ZNF704: variants seen among roughly 807,000 people sequenced by gnomAD.
ZNF704 encodes the protein zinc finger protein 704, also known as glucocorticoid induced gene 1.
ZNF704 carries 10 observed loss-of-function variants against 44.7 expected under a neutral mutation model. That is an observed-to-expected ratio of 0.22 (90% CI 0.14 to 0.38). The LOEUF is 0.38. Ranked by LOEUF, ZNF704 falls within the 10% of genes least tolerant of loss-of-function variation. The pLI, the probability that ZNF704 is intolerant of heterozygous loss-of-function variation, is 1.00. For synonymous variants in ZNF704, 211 were observed against 207.6 expected, an observed-to-expected ratio of 1.02 and a Z score of -0.14; for missense variants, 390 against 545.5, an observed-to-expected ratio of 0.71 and a Z score of 2.84.
intron 2 of ZNF704, among the ~76,000 whole-genome samples, chr8:80,732,454 T>A (rs1217088345): frequency 6.6e-6 from 1 of 152,202 alleles, no homozygotes; most frequent in East Asian, 1.9e-4. Context: ...TAACTTCTGT[T>A]TTGCTTGCTT....
intron 2 of ZNF704, among the ~76,000 whole-genome samples, chr8:80,709,183 G>A (rs1289919432): frequency 3.3e-5 from 5 of 151,968 alleles, no homozygotes; most frequent in Admixed American, 2.0e-4. Flanking sequence ...GGAGGCTCAC[G>A]CCTGTAATCC....
intron 8 of ZNF704, 67 bp from the exon 9 acceptor site, chr8:80,641,544 A>C: frequency 9.7e-7 from 1 of 1,025,932 alleles, no homozygotes; most frequent in Non-Finnish European, 1.4e-6. Flanking sequence ...GGAGAGCTCA[A>C]AAATCCCTTG....
intron 4 of ZNF704, among the ~76,000 whole-genome samples, chr8:80,682,495 T>A (rs762598044): frequency 6.6e-6 from 1 of 152,236 alleles, no homozygotes; most frequent in Non-Finnish European, 1.5e-5. Context: ...TCAGATTTCC[T>A]TTTATGCCCC....
chr8:80,830,479 GAACT>G (rs1215043296), intron 1 of ZNF704, among the ~76,000 whole-genome samples: 2 of 152,200 alleles, frequency 1.3e-5, no homozygotes, highest in Non-Finnish European at 2.9e-5. Context: ...GTGGGAGCAG[GAACT>G]AACTGCAAAT....
At chr8:80,685,947 A>G (rs1286803235) in intron 4 of ZNF704, among the ~76,000 whole-genome samples, 2 of 152,266 alleles carry the variant, frequency 1.3e-5, no homozygotes, top group African/African-American at 4.8e-5. Context: ...ACAGCCATTC[A>G]TAATGAAGCT....
At chr8:80,873,388 C>A (rs1022605531) in intron 1 of ZNF704, among the ~76,000 whole-genome samples, 1 of 151,050 alleles carries the variant, frequency 6.6e-6, no homozygotes, top group South Asian at 2.1e-4. Flanking sequence ...CGCGCTGCCC[C>A]GCGCGGCCGC....
intron 1 of ZNF704, among the ~76,000 whole-genome samples, chr8:80,838,254 G>A (rs1180653990): frequency 6.6e-6 from 1 of 152,168 alleles, no homozygotes; most frequent in Non-Finnish European, 1.5e-5. Context: ...TAGTTTCTCT[G>A]ACTAAACCAC....
At chr8:80,645,028 G>A (rs1039174561) in intron 7 of ZNF704, 1 of 1,289,372 alleles carries the variant, frequency 7.8e-7, no homozygotes, top group Non-Finnish European at 1.1e-6. Flanking sequence ...TGACTCTGCT[G>A]AATGCCAAGA....
intron 2 of ZNF704, among the ~76,000 whole-genome samples, chr8:80,795,329 A>T (rs1217703976): frequency 6.6e-6 from 1 of 152,242 alleles, no homozygotes; most frequent in African/African-American, 2.4e-5. Flanking sequence ...ATTAAATGTG[A>T]AACATAAAAC....
chr8:80,782,557 T>C (rs1807545983), intron 2 of ZNF704, among the ~76,000 whole-genome samples: 1 of 152,172 alleles, frequency 6.6e-6, no homozygotes, highest in African/African-American at 2.4e-5. Context: ...TCACATGATA[T>C]GTAGAGTCCT....
At chr8:80,649,745 T>C (rs561724943) in intron 7 of ZNF704, among the ~76,000 whole-genome samples, 3 of 152,304 alleles carry the variant, frequency 2.0e-5, no homozygotes, top group African/African-American at 7.2e-5. Flanking sequence ...GGGCAGGGCA[T>C]AGCCAAACAA....
At chr8:80,769,611 G>A (rs763707579) in intron 2 of ZNF704, among the ~76,000 whole-genome samples, 2 of 152,186 alleles carry the variant, frequency 1.3e-5, no homozygotes, top group Non-Finnish European at 2.9e-5. Flanking sequence ...CTTTGCTCCA[G>A]TTCCCAACAA....
intron 2 of ZNF704, among the ~76,000 whole-genome samples, chr8:80,754,141 T>A (rs1043449333): frequency 6.6e-6 from 1 of 152,244 alleles, no homozygotes; most frequent in Non-Finnish European, 1.5e-5. Context: ...CTGTTTTTTT[T>A]TCCTTACAAT....
intron 4 of ZNF704, among the ~76,000 whole-genome samples, chr8:80,674,228 G>A (rs557562115): frequency 8.7e-4 from 132 of 152,266 alleles, no homozygotes; most frequent in African/African-American, 3.0e-3. Flanking sequence ...CAGATGGGGC[G>A]ATTTAAATCC....
At chr8:80,819,321 T>C (rs1339009048) in intron 2 of ZNF704, among the ~76,000 whole-genome samples, 1 of 152,086 alleles carries the variant, frequency 6.6e-6, no homozygotes, top group Non-Finnish European at 1.5e-5. Flanking sequence ...GCAGAAAACA[T>C]CTTTCTTCTT....
In ZNF704 at chr8:80,665,080, C is replaced by T. The variant is rs374971840; in HGVS notation, c.662G>A (p.Arg221His). ...ATCACTGTAGTCAGAGTCTCCAACG[C>T]GCCTAATGCAAAAGAGAGTAAAACA... The part of the protein sequence containing the change: ...QKHIRTIHLG[R>H]VGDSDYSDGE... The change falls in exon 6 of 9, where the codon CGC becomes CAC. Residue 221 changes from arginine (R) to histidine (H), a missense_variant and splice_region_variant. Physicochemically the swap from Arg to His is conservative, Grantham distance 29. Coordinates refer to ENST00000327835, the MANE Select transcript of ZNF704 (RefSeq NM_001033723.3). 5.3e-5 allele frequency: 85 copies of T among 1,613,652 alleles called. No homozygotes were observed. Among genetic ancestry groups the T allele is most frequent in the Non-Finnish European group, 6.8e-5 (80 of 1,179,694 alleles).
intron 5 of ZNF704, among the ~76,000 whole-genome samples, chr8:80,666,042 C>T (rs753251009): frequency 1.1e-3 from 170 of 151,870 alleles, no homozygotes; most frequent in Non-Finnish European, 1.5e-3. Flanking sequence ...TATACATGTG[C>T]CGTGCTGGTG....
At chr8:80,724,805 C>T (rs1806447324) in intron 2 of ZNF704, among the ~76,000 whole-genome samples, 1 of 152,186 alleles carries the variant, frequency 6.6e-6, no homozygotes, top group Non-Finnish European at 1.5e-5. Context: ...CCCCTCAAAA[C>T]GATAACCCCT....
At chr8:80,751,783 T>C (rs1806948228) in intron 2 of ZNF704, among the ~76,000 whole-genome samples, 1 of 152,202 alleles carries the variant, frequency 6.6e-6, no homozygotes, top group Non-Finnish European at 1.5e-5. Context: ...GTTTTGTTCT[T>C]GTTGCCCAAG....
Sources: allele counts gnomAD v4.1 joint callset (sites outside exome capture counted in the v4.1 genomes callset), GRCh38; gene constraint gnomAD v4.1.1; transcripts MANE v1.5; gene names NCBI Gene and HGNC (gene_info 2026-07-23, HGNC 2026-07-21).